HDAC9: variants seen among roughly 807,000 people sequenced by gnomAD.
The protein encoded by HDAC9 is MEF-2 interacting transcription repressor (MITR) protein.
Under a neutral mutation model 139.4 loss-of-function variants are expected in HDAC9, and 41 were observed. The observed-to-expected ratio is 0.29, with a 90% CI of 0.23 to 0.38. The LOEUF (loss-of-function observed/expected upper bound fraction) is 0.38, where lower values mean the gene tolerates loss of function less well. Ranked by LOEUF, HDAC9 falls within the 10% of genes least tolerant of loss-of-function variation. The pLI is 1.00. For missense variants in HDAC9, 1,147 were observed against 1,297.0 expected (o/e 0.88, Z 1.78); for synonymous variants, 517 against 476.2 (o/e 1.09, Z -1.12).
intron 21 of HDAC9, among the ~76,000 whole-genome samples, chr7:18,859,549 T>TA (rs556494978): frequency 3.2e-3 from 443 of 139,692 alleles, no homozygotes; most frequent in East Asian, 9.9e-3. Context: ...GCTACGCAAT[T>TA]AAAAAAAAAA....
intron 16 of HDAC9, among the ~76,000 whole-genome samples, chr7:18,787,616 G>A (rs1791930517): frequency 6.6e-6 from 1 of 152,170 alleles, no homozygotes; most frequent in Non-Finnish European, 1.5e-5. Context: ...GAATCTGAAG[G>A]TAGGAATATT....
chr7:18,363,389 A>G (rs1392872570), intron 1 of HDAC9, among the ~76,000 whole-genome samples: 2 of 152,206 alleles, frequency 1.3e-5, no homozygotes, highest in African/African-American at 4.8e-5. Flanking sequence ...TACTCATCCT[A>G]GAGAAAGAAC....
chr7:18,497,641 G>C (rs1031330102), intron 2 of HDAC9, among the ~76,000 whole-genome samples: 13 of 152,144 alleles, frequency 8.5e-5, no homozygotes, highest in African/African-American at 3.1e-4. Flanking sequence ...TAGCTGCAAA[G>C]CTGACAAGGG....
chr7:18,098,600 A>G (rs1457630261), intron 1 of HDAC9, among the ~76,000 whole-genome samples: 1 of 152,228 alleles, frequency 6.6e-6, no homozygotes, highest in Non-Finnish European at 1.5e-5. Flanking sequence ...TACACACAAA[A>G]GATTGTTAAC....
intron 1 of HDAC9, among the ~76,000 whole-genome samples, chr7:18,156,353 A>G (rs1157464842): frequency 6.6e-6 from 1 of 152,184 alleles, no homozygotes; most frequent in Admixed American, 6.5e-5. Context: ...TGTCTTCCCA[A>G]CCCATGAAGG....
chr7:18,256,123 G>C (rs2128203083), intron 2 of HDAC9, among the ~76,000 whole-genome samples: 1 of 152,118 alleles, frequency 6.6e-6, no homozygotes, highest in East Asian at 1.9e-4. Context: ...CCGTTTTTAG[G>C]TTTCCACTTC....
chr7:18,591,265 T>A (rs117769409), intron 4 of HDAC9, among the ~76,000 whole-genome samples: 1,690 of 152,244 alleles, frequency 0.011, 33 homozygotes, highest in African/African-American at 0.039. Context: ...ATTAAAGAAA[T>A]AGCTGAAAGT....
chr7:18,145,168 T>G (rs994962038), intron 1 of HDAC9, among the ~76,000 whole-genome samples: 2 of 152,248 alleles, frequency 1.3e-5, no homozygotes, highest in African/African-American at 2.4e-5. Context: ...ACAATTGATA[T>G]GGACTATATG....
At chr7:18,881,155 T>C (rs1799709827) in intron 22 of HDAC9, among the ~76,000 whole-genome samples, 1 of 152,148 alleles carries the variant, frequency 6.6e-6, no homozygotes, top group South Asian at 2.1e-4. Context: ...CACAAGGCCA[T>C]GTTGTCTACG....
intron 2 of HDAC9, among the ~76,000 whole-genome samples, chr7:18,168,930 C>G (rs1233850675): frequency 1.8e-5 from 2 of 113,882 alleles, no homozygotes; most frequent in African/African-American, 3.9e-5. Context: ...TGTGTGTGCG[C>G]GCATGTGTCT....
At chr7:18,530,100 C>T (rs1808382193) in intron 2 of HDAC9, among the ~76,000 whole-genome samples, 1 of 151,672 alleles carries the variant, frequency 6.6e-6, no homozygotes, top group South Asian at 2.1e-4. Context: ...GGCAACAAAG[C>T]AAGATCCAGT....
intron 1 of HDAC9, among the ~76,000 whole-genome samples, chr7:18,317,746 A>T (rs1309898834): frequency 6.6e-6 from 1 of 152,160 alleles, no homozygotes; most frequent in Non-Finnish European, 1.5e-5. Context: ...GGGACTTTCT[A>T]CTTTGGGGAA....
intron 1 of HDAC9, among the ~76,000 whole-genome samples, chr7:18,145,224 A>T (rs1049444375): frequency 6.6e-6 from 1 of 152,250 alleles, no homozygotes; most frequent in Non-Finnish European, 1.5e-5. Flanking sequence ...TTAGACAGAC[A>T]TAATCTTTGC....
At chr7:18,669,209 T>A (rs181149445) in intron 12 of HDAC9, among the ~76,000 whole-genome samples, 3 of 151,890 alleles carry the variant, frequency 2.0e-5, no homozygotes, top group East Asian at 3.9e-4. Context: ...ACTTAAAAAA[T>A]TATTTTTAAA....
chr7:18,113,762 T>TA (rs1783785262), intron 1 of HDAC9, among the ~76,000 whole-genome samples: 1 of 152,264 alleles, frequency 6.6e-6, no homozygotes, highest in Non-Finnish European at 1.5e-5. Context: ...TTGCAGTCCT[T>TA]ATATTTCTCT....
chr7:18,865,586 C>T (rs1368209863), intron 21 of HDAC9, among the ~76,000 whole-genome samples: 1 of 152,050 alleles, frequency 6.6e-6, no homozygotes, highest in East Asian at 1.9e-4. Flanking sequence ...ATTTAGTGCC[C>T]CCCACAAGGA....
chr7:18,147,800 A>T (rs1399310597), intron 1 of HDAC9, among the ~76,000 whole-genome samples: 2 of 152,110 alleles, frequency 1.3e-5, no homozygotes, highest in Non-Finnish European at 2.9e-5. Flanking sequence ...ATATTACGAT[A>T]TTATTTCATA....
At chr7:18,765,524 C>T (rs761299318) in intron 15 of HDAC9, among the ~76,000 whole-genome samples, 3 of 151,950 alleles carry the variant, frequency 2.0e-5, no homozygotes, top group Non-Finnish European at 4.4e-5. Flanking sequence ...GAGGCTGAGG[C>T]AGAAGAATCG....
At chr7:18,388,665 C>T (rs1172738562) in intron 1 of HDAC9, among the ~76,000 whole-genome samples, 2 of 152,092 alleles carry the variant, frequency 1.3e-5, no homozygotes, top group South Asian at 2.1e-4. Flanking sequence ...TTTCCATGCC[C>T]CGTGCTTCTT....
Sources: allele counts gnomAD v4.1 joint callset (sites outside exome capture counted in the v4.1 genomes callset), GRCh38; gene constraint gnomAD v4.1.1; transcripts MANE v1.5; gene names NCBI Gene and HGNC (gene_info 2026-07-23, HGNC 2026-07-21).